MYCBP2: variants seen among roughly 807,000 people sequenced by gnomAD.
The protein encoded by MYCBP2 is E3 ubiquitin-protein ligase MYCBP2.
Under a neutral mutation model 525.3 loss-of-function variants are expected in MYCBP2, and 120 were observed. That is an observed-to-expected ratio of 0.23 (90% CI 0.20 to 0.27). The LOEUF is 0.27. Among genes scored for constraint, MYCBP2 ranks in the 10% least tolerant of loss-of-function variants. MYCBP2 has a pLI of 1.00. For synonymous variants in MYCBP2, 1,894 were observed against 1,955.8 expected (o/e 0.97, Z 0.83); for missense variants, 4,149 against 5,657.1 (o/e 0.73, Z 8.55).
Position 77,158,047 on chromosome 13 carries a change from T to C in MYCBP2, c.6660A>G (p.Ile2220Met), listed in dbSNP as rs779606461. The change falls in exon 45 of 83, where the codon ATA (isoleucine) becomes ATG (methionine). Residue 2220 changes from isoleucine to methionine, a missense_variant. Coordinates refer to ENST00000544440, the MANE Select transcript of MYCBP2 (RefSeq NM_015057.5). ...GTAAATTTCCCTCAAGTGCTTCTAA[T>C]ATAGTTGGTGAATGAGAAAGAGCTA... ...KGLALSHSPT[I>M]LEALEGNLPL... 1.2e-6 allele frequency: 2 copies of C among 1,613,440 alleles called. No homozygotes were observed. The highest frequency in any genetic ancestry group is 2.2e-5 in the South Asian group (2 of 90,978).
intron 43 of MYCBP2, among the ~76,000 whole-genome samples, chr13:77,163,332 T>C (rs545017460): frequency 4.3e-4 from 66 of 151,904 alleles, no homozygotes; most frequent in Non-Finnish European, 3.7e-4. Flanking sequence ...CTCATTTCCA[T>C]ACATATATAC....
intron 36 of MYCBP2, among the ~76,000 whole-genome samples, chr13:77,174,926 T>TA (rs2059519406): frequency 2.1e-5 from 1 of 48,250 alleles, no homozygotes; most frequent in African/African-American, 5.9e-5. Flanking sequence ...ATATTATATA[T>TA]ATATAATATA....
chr13:77,191,910 T>A, intron 27 of MYCBP2, 97 bp from the exon 28 acceptor site: 1 of 1,151,174 alleles, frequency 8.7e-7, no homozygotes, highest in Non-Finnish European at 1.2e-6. Flanking sequence ...AACATGAAAC[T>A]AACTGTATTA....
At position 77,183,541 on chromosome 13, in the gene MYCBP2, CTTTTTTTTTT is replaced by C. The variant is rs60927409; in HGVS notation, c.4719+1552_4719+1561del. Among the ~76,000 whole-genome samples the C allele has an allele frequency of 2.3e-4, 15 of 66,074 alleles. 1 individual carries two copies. The highest frequency in any genetic ancestry group is 1.1e-3 in the East Asian group (2 of 1,784). The allele number at this position is 66,074 out of a possible 152,430, so 43.3% of individuals were successfully genotyped here. A position where few individuals can be genotyped will look rare whatever the true frequency, so the allele number is the denominator to read the frequency against. Reference sequence around the variant, plus strand: ...TTGTTTATAGTGATAGTCCCTATTTCTTTTTTTTTTTTTTTTTTTTTTTTTTTTTGAGATG... The same window carrying C: ...TTGTTTATAGTGATAGTCCCTATTTCTTTTTTTTTTTTTTTTTTTGAGATG... On this transcript the variant is annotated intron_variant, in intron 32 of 82. Transcript: ENST00000544440.
intron 1 of MYCBP2, among the ~76,000 whole-genome samples, chr13:77,321,495 A>G (rs929983790): frequency 9.8e-5 from 15 of 152,362 alleles, no homozygotes; most frequent in African/African-American, 2.9e-4. Flanking sequence ...GCTTAAAACC[A>G]TCAAGGGTGA....
At chr13:77,132,098 G>A (rs754432744) in intron 52 of MYCBP2, among the ~76,000 whole-genome samples, 12 of 152,104 alleles carry the variant, frequency 7.9e-5, no homozygotes, top group Non-Finnish European at 1.0e-4. Flanking sequence ...TTCTGTTTAC[G>A]AAACTTTAAC....
At chr13:77,172,476 A>C (rs1408925526) in intron 37 of MYCBP2, among the ~76,000 whole-genome samples, 1 of 152,164 alleles carries the variant, frequency 6.6e-6, no homozygotes. Flanking sequence ...TATTTTTATC[A>C]GATCACTCTG....
chr13:77,069,226 C>T (rs557712257), intron 69 of MYCBP2, among the ~76,000 whole-genome samples: 36 of 152,316 alleles, frequency 2.4e-4, no homozygotes, highest in African/African-American at 8.2e-4. Context: ...TTATACATGA[C>T]ATTTTACAAT....
chr13:77,314,447 G>A (rs1251962753), intron 1 of MYCBP2, among the ~76,000 whole-genome samples: 1 of 152,066 alleles, frequency 6.6e-6, no homozygotes, highest in East Asian at 1.9e-4. Flanking sequence ...TAAGAAATGA[G>A]CTATCAAGTC....
rs770113225 is a variant in MYCBP2 at position 77,273,477 on chromosome 13, T to G, written c.940A>C (p.Ile314Leu). ...CAGATATAAATATGAAATACCTGAA[T>G]AGTTTGGCAAGCATGGCTTCCATTG... ...TNNGSHACQT[I>L]QVPTILNSLQ... is the part of the protein sequence containing the mutation. Residue 314 changes from isoleucine (I) to leucine (L), a missense_variant, in exon 5 of 83, where the codon ATT (isoleucine) becomes CTT (leucine). Coordinates refer to ENST00000544440, the MANE Select transcript of MYCBP2 (RefSeq NM_015057.5). The G allele has an allele frequency of 1.3e-6, 2 of 1,579,654 alleles. No homozygotes were observed. Among genetic ancestry groups the G allele is most frequent in the Admixed American group, 2.0e-5 (1 of 50,326 alleles).
chr13:77,164,405 A>T, intron 43 of MYCBP2, 49 bp downstream of exon 43: 1 of 1,293,194 alleles, frequency 7.7e-7, no homozygotes, highest in Non-Finnish European at 1.1e-6. Flanking sequence ...AATACATACA[A>T]AACAAAACAA....
intron 3 of MYCBP2, among the ~76,000 whole-genome samples, chr13:77,286,655 C>T (rs1296527206): frequency 7.5e-6 from 1 of 133,532 alleles, no homozygotes; most frequent in Non-Finnish European, 1.5e-5. Context: ...ACTTGGGAGG[C>T]TGAGGCAGGA....
intron 5 of MYCBP2, among the ~76,000 whole-genome samples, chr13:77,272,900 C>T (rs1269667403): frequency 6.6e-6 from 1 of 152,190 alleles, no homozygotes; most frequent in Non-Finnish European, 1.5e-5. Context: ...TTTCCAGAGC[C>T]TTCCCAAATA....
At chr13:77,306,882 G>A (rs1250589406) in intron 1 of MYCBP2, among the ~76,000 whole-genome samples, 1 of 152,074 alleles carries the variant, frequency 6.6e-6, no homozygotes, top group African/African-American at 2.4e-5. Flanking sequence ...GGGATTTTCG[G>A]AAAGATTGCA....
chr13:77,047,267 T>C (rs549761886), intron 82 of MYCBP2, among the ~76,000 whole-genome samples: 1 of 152,322 alleles, frequency 6.6e-6, no homozygotes, highest in South Asian at 2.1e-4. Context: ...GAAACGATTA[T>C]CCTCATTTTG....
chr13:77,129,263 A>G, intron 52 of MYCBP2: 1 of 397,338 alleles, frequency 2.5e-6, no homozygotes, highest in Non-Finnish European at 4.4e-6. Context: ...GAAAAATATC[A>G]ACAAAGAAAG....
At chr13:77,225,101 T>C (rs1441275929) in intron 19 of MYCBP2, among the ~76,000 whole-genome samples, 1 of 152,184 alleles carries the variant, frequency 6.6e-6, no homozygotes, top group Non-Finnish European at 1.5e-5. Context: ...TCACTGAACA[T>C]TAACAAAATA....
At chr13:77,245,650 A>G (rs576345033) in intron 15 of MYCBP2, among the ~76,000 whole-genome samples, 2 of 151,734 alleles carry the variant, frequency 1.3e-5, no homozygotes, top group South Asian at 4.2e-4. Flanking sequence ...GAAATACCTA[A>G]TGACCGGTTG....
chr13:77,166,732 G>A (rs1004332883), intron 40 of MYCBP2, among the ~76,000 whole-genome samples, 178 bp from the exon 41 acceptor site: 8 of 151,952 alleles, frequency 5.3e-5, no homozygotes, highest in Non-Finnish European at 7.4e-5. Context: ...AGAGTAAAGA[G>A]GACAGAGATA....
Sources: gnomAD v4.1 joint callset for allele counts (sites outside exome capture counted in the v4.1 genomes callset) on GRCh38, gnomAD v4.1.1 for gene constraint, MANE v1.5 for transcripts, NCBI Gene and HGNC (gene_info 2026-07-23, HGNC 2026-07-21) for gene names.